Variants in DENND4A observed in about 807,000 individuals in gnomAD.
DENND4A encodes the protein C-myc promoter-binding protein.
In DENND4A, 70 loss-of-function variants were observed where a neutral mutation model predicts 199.3. The ratio of observed to expected loss-of-function variants is 0.35; its 90% CI spans 0.29 to 0.43. DENND4A has a LOEUF of 0.43. DENND4A is among the 20% of genes least tolerant of loss of function. The pLI is 1.00. For missense variants in DENND4A, 1,723 were observed against 2,255.8 expected, an observed-to-expected ratio of 0.76 and a Z score of 4.78; for synonymous variants, 686 against 766.9, an observed-to-expected ratio of 0.89 and a Z score of 1.74.
chr15:65,718,136 T>A, intron 12 of DENND4A, 140 bp from the exon 13 acceptor site: 1 of 638,298 alleles, frequency 1.6e-6, no homozygotes, highest in African/African-American at 1.9e-5. Flanking sequence ...ACGTAAACCT[T>A]AGCAAAGCTT....
At chr15:65,755,025 A>G (rs1413058989) in intron 3 of DENND4A, among the ~76,000 whole-genome samples, 1 of 152,278 alleles carries the variant, frequency 6.6e-6, no homozygotes, top group East Asian at 1.9e-4. Flanking sequence ...TCAACAGATG[A>G]ATAAACTGTG....
At chr15:65,783,833 G>A (rs538561195) in intron 1 of DENND4A, among the ~76,000 whole-genome samples, 25 of 152,032 alleles carry the variant, frequency 1.6e-4, no homozygotes, top group African/African-American at 5.1e-4. Flanking sequence ...TATAAACGGA[G>A]AAGAAAAAAA....
At chr15:65,687,932 T>C (rs1235512660) in intron 23 of DENND4A, among the ~76,000 whole-genome samples, 1 of 152,226 alleles carries the variant, frequency 6.6e-6, no homozygotes, top group Non-Finnish European at 1.5e-5. Flanking sequence ...CTGTATCTTT[T>C]ACCAATTTTG....
At chr15:65,696,021 A>G (rs2142121954) in intron 22 of DENND4A, among the ~76,000 whole-genome samples, 1 of 152,234 alleles carries the variant, frequency 6.6e-6, no homozygotes. Flanking sequence ...TAATATGAAA[A>G]CTAATAAGCC....
chr15:65,700,704 C>T, intron 19 of DENND4A, 29 bp from the exon 20 acceptor site: 1 of 1,511,682 alleles, frequency 6.6e-7, no homozygotes, highest in Non-Finnish European at 8.8e-7. Flanking sequence ...CAGCATTTTA[C>T]TACTCGAAGA....
In DENND4A at chr15:65,669,925, T is replaced by C; in HGVS notation, c.4641A>G (p.Arg1547=). 11 of 1,613,260 alleles carry C rather than the reference T, an allele frequency of 6.8e-6. No homozygotes were observed. The highest frequency in any genetic ancestry group is 9.3e-6 in the Non-Finnish European group (11 of 1,179,420). ...TTGATGGGCTTGACTTTAGAAAGTA[T>C]CTGTAATGTGAATCGAAGGAACTTT... The part of the protein sequence containing the change: ...IEIRDLRRPG[R]YFLKSSPSTE... Residue 1547 remains arginine, a splice_region_variant and synonymous_variant, in exon 27 of 33, where the codon AGA becomes AGG. Coordinates refer to ENST00000443035, the MANE Select transcript of DENND4A (RefSeq NM_001320835.1).
rs1002381477 is a variant in DENND4A, at chr15:65,696,513, T to G, written c.2951-16A>C. 4 of 1,593,570 alleles carry G rather than the reference T, an allele frequency of 2.5e-6. No homozygotes were observed. The African/African-American group carries it at 4.0e-5, about 16-fold the overall frequency. The stretch of plus-strand genomic sequence containing the variant: ...CTCTCTGACACTGTAAAGATGAAAA[T>G]GAAAATGTTAATAAAATGAAATCTA... On this transcript the variant is annotated splice_polypyrimidine_tract_variant and intron_variant, in intron 21 of 32. Coordinates refer to ENST00000443035, the MANE Select transcript of DENND4A (RefSeq NM_001320835.1).
intron 1 of DENND4A, chr15:65,771,247 T>C: frequency 6.3e-7 from 1 of 1,593,514 alleles, no homozygotes; most frequent in Non-Finnish European, 8.6e-7. Context: ...CTGACTTCCT[T>C]CGGAGTCGAT....
intron 14 of DENND4A, among the ~76,000 whole-genome samples, chr15:65,714,882 C>T (rs980071395): frequency 1.3e-5 from 2 of 152,122 alleles, no homozygotes; most frequent in African/African-American, 4.8e-5. Flanking sequence ...TAGGCTGTTC[C>T]TCTCTCTCCA....
At chr15:65,750,917 G>C (rs1035680718) in intron 4 of DENND4A, among the ~76,000 whole-genome samples, 2 of 152,134 alleles carry the variant, frequency 1.3e-5, no homozygotes, top group African/African-American at 4.8e-5. Context: ...ATATGATAGA[G>C]AGAGCAGAAG....
chr15:65,665,686 G>A (rs1414147426), intron 29 of DENND4A, among the ~76,000 whole-genome samples: 2 of 152,156 alleles, frequency 1.3e-5, no homozygotes, highest in African/African-American at 2.4e-5. Flanking sequence ...CTTGAGATCC[G>A]TGAGAAAGGG....
At chr15:65,670,856 T>C (rs1596390387) in intron 25 of DENND4A, among the ~76,000 whole-genome samples, 1 of 152,366 alleles carries the variant, frequency 6.6e-6, no homozygotes, top group Middle Eastern at 3.4e-3. Context: ...ATCTATGTTT[T>C]GGCTGTATGC....
Position 65,671,906 on chromosome 15 carries a change from A to C in DENND4A, c.4370-20T>G, listed in dbSNP as rs1337605355. ...GAGATCCTGTTCATTAGTGAAAAAC[A>C]AAGAACAGAAACCATTAAAATTAAT... is the stretch of plus-strand genomic sequence containing the variant. On this transcript the variant is annotated intron_variant, in intron 24 of 32. Coordinates refer to ENST00000443035, the MANE Select transcript of DENND4A (RefSeq NM_001320835.1). 11 of 1,388,740 alleles carry C rather than the reference A, an allele frequency of 7.9e-6. No homozygotes were observed. Among genetic ancestry groups the C allele is most frequent in the Non-Finnish European group, 1.1e-5 (11 of 974,590 alleles). 86.0% of individuals were successfully genotyped at this position (1,388,740 alleles called of 1,614,324 possible).
chr15:65,746,365 T>TTCTC lies in DENND4A; in HGVS notation c.562-4585_562-4582dup, dbSNP rs1567070832. Among the ~76,000 whole-genome samples, 1,054 of 138,098 alleles carry TTCTC rather than the reference T, an allele frequency of 7.6e-3. 36 individuals carry two copies. Among genetic ancestry groups the TTCTC allele is most frequent in the African/African-American group, 0.03 (1,014 of 34,220 alleles). 90.6% of individuals were successfully genotyped at this position (138,098 alleles called of 152,430 possible). A position where few individuals can be genotyped will look rare whatever the true frequency, so the allele number is the denominator to read the frequency against. Reference sequence around the variant, plus strand: ...TTCCCTTGTTAACAATTCTACTTTTTTCTCTTTTTTTTTTTTTTTTTTTTT... The same window carrying TTCTC: ...TTCCCTTGTTAACAATTCTACTTTTTTCTCTCTCTTTTTTTTTTTTTTTTTTTTT... On this transcript the variant is annotated intron_variant, in intron 4 of 32. Coordinates refer to ENST00000443035, the MANE Select transcript of DENND4A (RefSeq NM_001320835.1).
At chr15:65,696,190 G>C (rs2077138488) in intron 22 of DENND4A, 176 bp downstream of exon 22, 1 of 676,756 alleles carries the variant, frequency 1.5e-6, no homozygotes, top group African/African-American at 1.9e-5. Flanking sequence ...ATACAAGCTT[G>C]AACACAGCAT....
chr15:65,752,322 T>TA, intron 4 of DENND4A, 57 bp downstream of exon 4: 1 of 490,758 alleles, frequency 2.0e-6, no homozygotes, highest in Non-Finnish European at 3.2e-6. Flanking sequence ...AAGATGTATT[T>TA]AAAATTATGC....
intron 24 of DENND4A, among the ~76,000 whole-genome samples, chr15:65,674,937 T>C (rs1335293576): frequency 6.6e-6 from 1 of 152,166 alleles, no homozygotes; most frequent in East Asian, 1.9e-4. Flanking sequence ...GATTGGTTAT[T>C]GGTTGATAAT....
chr15:65,718,091 G>A (rs754938034), intron 12 of DENND4A, 95 bp from the exon 13 acceptor site: 2 of 886,562 alleles, frequency 2.3e-6, no homozygotes, highest in Non-Finnish European at 3.4e-6. Flanking sequence ...AAGGACCCAA[G>A]CTACCTCAAC....
chr15:65,787,046 T>C (rs2077584019), intron 1 of DENND4A, among the ~76,000 whole-genome samples: 1 of 152,168 alleles, frequency 6.6e-6, no homozygotes, highest in South Asian at 2.1e-4. Flanking sequence ...TTAAATTAAA[T>C]ATATATCTGA....
Sources: gnomAD v4.1 joint callset for allele counts (sites outside exome capture counted in the v4.1 genomes callset) on GRCh38, gnomAD v4.1.1 for gene constraint, MANE v1.5 for transcripts, NCBI Gene and HGNC (gene_info 2026-07-23, HGNC 2026-07-21) for gene names.